KDM4C: variants seen among roughly 807,000 people sequenced by gnomAD.
KDM4C encodes the protein lysine-specific demethylase 4C.
A neutral mutation model predicts 129.3 loss-of-function variants in KDM4C; 81 were observed. The observed-to-expected ratio is 0.63, with a 90% CI of 0.52 to 0.75. The LOEUF (loss-of-function observed/expected upper bound fraction) is 0.75. KDM4C is among the 30% of genes least tolerant of loss of function. KDM4C has a pLI of 0.00. For missense variants in KDM4C, 1,457 were observed against 1,304.0 expected (o/e 1.12, Z -1.81); for synonymous variants, 573 against 456.1 (o/e 1.26, Z -3.26).
intron 1 of KDM4C, among the ~76,000 whole-genome samples, chr9:6,777,535 GA>G (rs1439193534): frequency 1.3e-5 from 2 of 152,204 alleles, no homozygotes; most frequent in Non-Finnish European, 2.9e-5. Context: ...TTTCAGTAGT[GA>G]ATGCCTGTGT....
rs200361876 is a variant in KDM4C at position 7,062,554 on chromosome 9, A to AT, written c.2424+13364dup. 7.3e-3 allele frequency among the ~76,000 whole-genome samples: 1,088 copies of AT among 148,292 alleles called. 13 individuals carry two copies. The highest frequency in any genetic ancestry group is 0.021 in the African/African-American group (863 of 40,360). On this transcript the variant is annotated intron_variant, in intron 17 of 21. Transcript: ENST00000381309. Reference sequence around the variant, plus strand: ...AGGTTTGCACTACTATTTCCAGCTAATTTTTTTTTTGTCAGGGTGGGGTCT... The same window carrying AT: ...AGGTTTGCACTACTATTTCCAGCTAATTTTTTTTTTTGTCAGGGTGGGGTCT...
At chr9:6,987,960 T>C (rs1818015034) in intron 11 of KDM4C, among the ~76,000 whole-genome samples, 1 of 151,130 alleles carries the variant, frequency 6.6e-6, no homozygotes. Context: ...AGGTTCGAGA[T>C]GAGCCTGGAC....
chr9:6,940,409 C>T (rs1339918285), intron 8 of KDM4C, among the ~76,000 whole-genome samples: 1 of 152,222 alleles, frequency 6.6e-6, no homozygotes, highest in African/African-American at 2.4e-5. Flanking sequence ...CCGCTGTTGT[C>T]ACTACCTTGG....
rs971310753 is a variant in KDM4C at position 7,174,932 on chromosome 9, C to G, written c.*203C>G. On this transcript the variant is annotated 3_prime_UTR_variant, in exon 22 of 22. Transcript: ENST00000381309. ...TGGACGCAGCAATCTGAAATCATCT[C>G]TAGTCTTGCTTTCACTTGTGAGCAG... is the stretch of plus-strand genomic sequence containing the variant. 1.0e-5 allele frequency: 5 copies of G among 481,194 alleles called. No individual in the cohort carries two copies. The highest frequency in any genetic ancestry group is 3.2e-5 in the Admixed American group (1 of 30,860). 29.8% of individuals were successfully genotyped at this position (481,194 alleles called of 1,614,324 possible). A position where few individuals can be genotyped will look rare whatever the true frequency, so the allele number is the denominator to read the frequency against.
chr9:7,167,832 G>A (rs902034882), intron 20 of KDM4C, among the ~76,000 whole-genome samples: 1 of 152,208 alleles, frequency 6.6e-6, no homozygotes, highest in Admixed American at 6.5e-5. Context: ...CCACTCAAGA[G>A]AGTGTTTGCT....
At chr9:6,968,828 G>A (rs1291525523) in intron 8 of KDM4C, among the ~76,000 whole-genome samples, 1 of 152,180 alleles carries the variant, frequency 6.6e-6, no homozygotes, top group Admixed American at 6.5e-5. Context: ...GTATTAAAGT[G>A]AGATGGTATT....
intron 5 of KDM4C, among the ~76,000 whole-genome samples, chr9:6,861,762 A>G (rs1010062166): frequency 2.6e-5 from 4 of 151,402 alleles, no homozygotes; most frequent in African/African-American, 9.7e-5. Flanking sequence ...ACTTTACAAT[A>G]TATATTTCTT....
rs1350528567 is a variant in KDM4C at position 6,790,054 on chromosome 9, C to A, written c.-17-2918C>A. On this transcript the variant is annotated intron_variant, in intron 1 of 21. Transcript: ENST00000381309. ...TTTGGGAGGCCGAGGCGGGTGGGAT[C>A]GCCTGAGGTCAGGAGTTTGAGATCA... Among the ~76,000 whole-genome samples, 8 of 146,832 alleles carry A rather than the reference C, an allele frequency of 5.4e-5. No homozygotes were observed. In the East Asian group the frequency reaches 1.4e-3, roughly 26 times the overall value.
At chr9:7,065,562 C>G (rs764288362) in intron 17 of KDM4C, among the ~76,000 whole-genome samples, 1 of 152,128 alleles carries the variant, frequency 6.6e-6, no homozygotes, top group Non-Finnish European at 1.5e-5. Context: ...TCATGACATT[C>G]TGGCAAAGGT....
In KDM4C at chr9:6,782,554, C is replaced by T. The variant is rs1430565779; in HGVS notation, c.-17-10418C>T. Among the ~76,000 whole-genome samples the T allele has an allele frequency of 5.9e-5, 9 of 152,130 alleles. No individual in the cohort carries two copies. In the East Asian group the frequency reaches 9.7e-4, roughly 16 times the overall value. Reference sequence around the variant, plus strand: ...TCTTGCTCACAGAAGGTATTCGTAACGGCGTACACGTGACACATATGTCTA... The same window carrying T: ...TCTTGCTCACAGAAGGTATTCGTAATGGCGTACACGTGACACATATGTCTA... On this transcript the variant is annotated intron_variant, in intron 1 of 21. Transcript: ENST00000381309.
chr9:6,795,364 C>G (rs764135744), intron 2 of KDM4C, among the ~76,000 whole-genome samples: 1 of 152,222 alleles, frequency 6.6e-6, no homozygotes, highest in Non-Finnish European at 1.5e-5. Context: ...GGGAGTCTCG[C>G]TCTGTTGCCC....
At chr9:6,851,838 G>C (rs946261346) in intron 5 of KDM4C, among the ~76,000 whole-genome samples, 1 of 152,146 alleles carries the variant, frequency 6.6e-6, no homozygotes, top group African/African-American at 2.4e-5. Flanking sequence ...CTTTGGGAAA[G>C]AGCATCACTA....
intron 4 of KDM4C, among the ~76,000 whole-genome samples, chr9:6,817,687 A>G (rs1237672320): frequency 6.6e-6 from 1 of 152,100 alleles, no homozygotes; most frequent in Non-Finnish European, 1.5e-5. Context: ...ATGTACATGT[A>G]GGAAAATGGA....
chr9:6,850,120 G>C (rs374705438), intron 5 of KDM4C, among the ~76,000 whole-genome samples: 1 of 152,142 alleles, frequency 6.6e-6, no homozygotes, highest in Non-Finnish European at 1.5e-5. Flanking sequence ...ATATAGCCTA[G>C]GTCTGTAGTA....
At chr9:6,753,962 C>T (rs1382250600), upstream of KDM4C, among the ~76,000 whole-genome samples, 1 of 149,470 alleles carries the variant, frequency 6.7e-6, no homozygotes, top group Non-Finnish European at 1.5e-5. Flanking sequence ...GCAAGCTCCG[C>T]CTCCCGGGTT....
Position 6,954,490 on chromosome 9 carries a change from G to C in KDM4C, c.922-26435G>C, listed in dbSNP as rs138481675. Among the ~76,000 whole-genome samples, 836 of 152,252 alleles carry C rather than the reference G, an allele frequency of 5.5e-3. 7 individuals are homozygous for C. The highest frequency in any genetic ancestry group is 0.018 in the African/African-American group (730 of 41,532). On this transcript the variant is annotated intron_variant, in intron 8 of 21. Coordinates refer to ENST00000381309, the MANE Select transcript of KDM4C (RefSeq NM_015061.6). ...TGGTAGCTACTCTTGACAAGTCTCAGACATGATCTTTTTATTTGTCTGTTC... is the reference window on the plus strand; with the variant it reads ...TGGTAGCTACTCTTGACAAGTCTCACACATGATCTTTTTATTTGTCTGTTC...
chr9:6,808,021 G>A (rs1345026762), intron 3 of KDM4C, among the ~76,000 whole-genome samples: 3 of 114,250 alleles, frequency 2.6e-5, no homozygotes, highest in South Asian at 5.7e-4. Flanking sequence ...CCGGCCAGCC[G>A]CCCCGTCCGG....
intron 18 of KDM4C, among the ~76,000 whole-genome samples, chr9:7,116,572 G>C (rs553491385): frequency 1.2e-4 from 19 of 152,136 alleles, no homozygotes; most frequent in Non-Finnish European, 2.4e-4. Context: ...GGGTACGTGG[G>C]TCCACTCAGT....
At chr9:7,155,474 A>G (rs975679440) in intron 19 of KDM4C, among the ~76,000 whole-genome samples, 5 of 151,982 alleles carry the variant, frequency 3.3e-5, no homozygotes, top group Non-Finnish European at 5.9e-5. Flanking sequence ...CGTCATTTAC[A>G]TTACGTATTT....
Sources: gnomAD v4.1 joint callset for allele counts (sites outside exome capture counted in the v4.1 genomes callset) on GRCh38, gnomAD v4.1.1 for gene constraint, MANE v1.5 for transcripts, NCBI Gene and HGNC (gene_info 2026-07-23, HGNC 2026-07-21) for gene names.